The following PTPRG variants were observed in gnomAD, a reference collection of about 807,000 sequenced individuals.
PTPRG encodes the protein protein tyrosine phosphatase receptor type G, also known as receptor-type tyrosine-protein phosphatase gamma.
In PTPRG, 102 loss-of-function variants were observed where a neutral mutation model predicts 165.3. That is an observed-to-expected ratio of 0.62 (90% confidence interval 0.53 to 0.73). PTPRG has a LOEUF of 0.73. Among genes scored for constraint, PTPRG ranks in the 30% least tolerant of loss-of-function variants. The probability of loss-of-function intolerance (pLI) is 0.00; values close to 1 mark genes in which losing one functional copy is unlikely to be tolerated. For synonymous variants in PTPRG, 675 were observed against 669.5 expected (o/e 1.01, Z -0.13); for missense variants, 1,866 against 1,861.4 (o/e 1.00, Z -0.05).
chr3:62,092,063 GAC>G (rs58689072), intron 5 of PTPRG, among the ~76,000 whole-genome samples: 21 of 114,942 alleles, frequency 1.8e-4, no homozygotes, highest in African/African-American at 5.2e-4. Context: ...CTTATACATG[GAC>G]ACACACACAC....
rs1231001614 is a variant in PTPRG at position 61,976,848 on chromosome 3, GTATTTTTA to G, written c.191-12773_191-12766del. ...CCACCATCATGCCTGGCTAATTTTT[GTATTTTTA>G]TATAGATAGGGTTTCAACCTGTTGG... On this transcript the variant is annotated intron_variant, in intron 2 of 29. Transcript: ENST00000474889. Among the ~76,000 whole-genome samples, 9 of 151,826 alleles carry G rather than the reference GTATTTTTA, an allele frequency of 5.9e-5. No homozygotes were observed. The East Asian group carries it at 1.8e-3, about 30-fold the overall frequency.
chr3:61,621,366 T>C (rs981957049), intron 1 of PTPRG, among the ~76,000 whole-genome samples: 3 of 152,112 alleles, frequency 2.0e-5, no homozygotes, highest in African/African-American at 4.8e-5. Flanking sequence ...ACTTTACTGA[T>C]TACGTGGTAT....
At chr3:62,267,935 G>T in intron 19 of PTPRG, 116 bp downstream of exon 19, 3 of 1,201,792 alleles carry the variant, frequency 2.5e-6, no homozygotes, top group South Asian at 1.5e-5. Context: ...GAAATGAAAA[G>T]TGTTCTCTCT....
intron 1 of PTPRG, among the ~76,000 whole-genome samples, chr3:61,587,358 TTCTC>T (rs1032316932): frequency 1.3e-5 from 2 of 152,174 alleles, no homozygotes; most frequent in Admixed American, 6.5e-5. Flanking sequence ...CATTTGTTTT[TTCTC>T]TCTATGCACA....
At chr3:62,196,956 C>T (rs1403816725) in intron 10 of PTPRG, among the ~76,000 whole-genome samples, 2 of 152,150 alleles carry the variant, frequency 1.3e-5, no homozygotes, top group East Asian at 1.9e-4. Flanking sequence ...ATTCATGGGC[C>T]CCTCCCAGAC....
intron 2 of PTPRG, among the ~76,000 whole-genome samples, chr3:61,767,054 G>A (rs529568562): frequency 4.2e-4 from 63 of 151,478 alleles, no homozygotes; most frequent in Admixed American, 7.9e-4. Context: ...GACCATCCCG[G>A]CCAACATGGT....
At chr3:61,983,484 T>C (rs1489485540) in intron 2 of PTPRG, among the ~76,000 whole-genome samples, 1 of 152,086 alleles carries the variant, frequency 6.6e-6, no homozygotes, top group Non-Finnish European at 1.5e-5. Context: ...GCACATAACA[T>C]GTATATTAGT....
intron 4 of PTPRG, among the ~76,000 whole-genome samples, chr3:62,070,096 A>G (rs955987879): frequency 6.6e-6 from 1 of 152,224 alleles, no homozygotes; most frequent in Non-Finnish European, 1.5e-5. Context: ...TGTATAATGT[A>G]TATTTATCAT....
intron 2 of PTPRG, among the ~76,000 whole-genome samples, chr3:61,857,582 A>G (rs1166871975): frequency 1.3e-5 from 2 of 152,182 alleles, no homozygotes; most frequent in African/African-American, 2.4e-5. Flanking sequence ...TCAAGGGTTT[A>G]AAAGGTCAGC....
At chr3:61,779,705 A>T (rs1337711822) in intron 2 of PTPRG, among the ~76,000 whole-genome samples, 1 of 152,190 alleles carries the variant, frequency 6.6e-6, no homozygotes, top group East Asian at 1.9e-4. Flanking sequence ...GAGTATTCCA[A>T]GAAGTTTATG....
chr3:61,798,822 A>G (rs1319668672), intron 2 of PTPRG, among the ~76,000 whole-genome samples: 1 of 152,050 alleles, frequency 6.6e-6, no homozygotes, highest in Non-Finnish European at 1.5e-5. Flanking sequence ...TTTGTGGATA[A>G]GCAGCAAGTA....
At chr3:61,582,334 T>C (rs1700317677) in intron 1 of PTPRG, among the ~76,000 whole-genome samples, 1 of 152,160 alleles carries the variant, frequency 6.6e-6, no homozygotes, top group Non-Finnish European at 1.5e-5. Context: ...TATTCATACA[T>C]GTCATTATAT....
At chr3:61,746,187 C>T (rs1229847729) in intron 1 of PTPRG, among the ~76,000 whole-genome samples, 3 of 142,890 alleles carry the variant, frequency 2.1e-5, no homozygotes, top group African/African-American at 7.8e-5. Context: ...GGACTACAGG[C>T]GTGTGCCACC....
chr3:62,083,258 C>CTTTTTTTTTTT (rs35015867), intron 5 of PTPRG, among the ~76,000 whole-genome samples: 1 of 146,418 alleles, frequency 6.8e-6, no homozygotes. Context: ...TTTGCCATTA[C>CTTTTTTTTTTT]TTTTTTTTTT....
At chr3:61,931,716 C>T (rs1287386180) in intron 2 of PTPRG, among the ~76,000 whole-genome samples, 2 of 152,162 alleles carry the variant, frequency 1.3e-5, no homozygotes, top group Admixed American at 1.3e-4. Flanking sequence ...AAAGAATATC[C>T]AACCACCTCC....
chr3:61,834,416 C>T (rs962145578), intron 2 of PTPRG, among the ~76,000 whole-genome samples: 1 of 152,076 alleles, frequency 6.6e-6, no homozygotes, highest in Non-Finnish European at 1.5e-5. Context: ...GTGCTTCTAG[C>T]CAGGTACAGT....
intron 4 of PTPRG, among the ~76,000 whole-genome samples, chr3:62,068,254 G>T (rs1349220077): frequency 6.6e-6 from 1 of 152,108 alleles, no homozygotes; most frequent in African/African-American, 2.4e-5. Flanking sequence ...TTATGCTTGA[G>T]GCTGCCTCAG....
chr3:61,859,279 T>C (rs192345349), intron 2 of PTPRG, among the ~76,000 whole-genome samples: 35 of 152,316 alleles, frequency 2.3e-4, no homozygotes, highest in African/African-American at 7.0e-4. Flanking sequence ...AGACCTTAGG[T>C]TATTTTCTTT....
chr3:61,939,276 G>C (rs1227132992), intron 2 of PTPRG, among the ~76,000 whole-genome samples: 1 of 152,194 alleles, frequency 6.6e-6, no homozygotes, highest in East Asian at 1.9e-4. Context: ...GGAATAATTT[G>C]ACATGAAGTG....
Sources: gnomAD v4.1 joint callset for allele counts (sites outside exome capture counted in the v4.1 genomes callset) on GRCh38, gnomAD v4.1.1 for gene constraint, MANE v1.5 for transcripts, NCBI Gene and HGNC (gene_info 2026-07-23, HGNC 2026-07-21) for gene names.